The following CSMD3 variants were observed in gnomAD, a reference collection of about 807,000 sequenced individuals.
The protein encoded by CSMD3 is CUB and sushi domain-containing protein 3.
In CSMD3, 177 loss-of-function variants were observed where a neutral mutation model predicts 435.2. The ratio of observed to expected loss-of-function variants is 0.41; its 90% confidence interval spans 0.36 to 0.46. The LOEUF is 0.46. Ranked by LOEUF, CSMD3 falls within the 20% of genes least tolerant of loss-of-function variation. The pLI is 0.34. For missense variants in CSMD3, 4,265 were observed against 4,504.6 expected (o/e 0.95, Z 1.52); for synonymous variants, 1,656 against 1,520.5 (o/e 1.09, Z -2.07).
At chr8:112,578,291 A>C (rs1430593802) in intron 23 of CSMD3, among the ~76,000 whole-genome samples, 2 of 151,990 alleles carry the variant, frequency 1.3e-5, no homozygotes, top group East Asian at 3.9e-4. Flanking sequence ...GTGAAGGAGA[A>C]GGGGCACAAC....
chr8:112,759,544 T>G (rs2077784279), intron 13 of CSMD3, among the ~76,000 whole-genome samples: 1 of 152,112 alleles, frequency 6.6e-6, no homozygotes, highest in South Asian at 2.1e-4. Context: ...TATTTGGTTC[T>G]TACTACATGA....
At chr8:112,630,635 T>C (rs1317577467) in intron 22 of CSMD3, among the ~76,000 whole-genome samples, 1 of 152,088 alleles carries the variant, frequency 6.6e-6, no homozygotes, top group Non-Finnish European at 1.5e-5. Context: ...TTGAGCAATA[T>C]TTTTAGGTGG....
chr8:112,947,891 GA>G lies in CSMD3; in HGVS notation c.1421-15del. 3.0e-6 allele frequency: 3 copies of G among 1,000,282 alleles called. No individual in the cohort carries two copies. Among genetic ancestry groups the G allele is most frequent in the Non-Finnish European group, 3.2e-6 (2 of 628,160 alleles). 62.0% of individuals were successfully genotyped at this position (1,000,282 alleles called of 1,614,324 possible). ...CTCCCTCATTTACTGCAACAGCAGG[GA>G]AAAAAGAAAAAAGAAACAAAATATA... On this transcript the variant is annotated splice_polypyrimidine_tract_variant and intron_variant, in intron 8 of 70. Transcript: ENST00000297405.
intron 5 of CSMD3, among the ~76,000 whole-genome samples, chr8:113,048,344 C>G (rs555871706): frequency 8.5e-5 from 13 of 152,198 alleles, no homozygotes; most frequent in South Asian, 2.1e-4. Context: ...CCGCCCGCCT[C>G]GGCCTCCCAA....
At chr8:112,604,062 C>G (rs1197150820) in intron 22 of CSMD3, among the ~76,000 whole-genome samples, 1 of 151,984 alleles carries the variant, frequency 6.6e-6, no homozygotes, top group East Asian at 1.9e-4. Context: ...CCCACTTATG[C>G]TCTCCAAAAC....
At chr8:112,811,391 G>T (rs1004449990) in intron 12 of CSMD3, among the ~76,000 whole-genome samples, 1 of 139,918 alleles carries the variant, frequency 7.1e-6, no homozygotes, top group Non-Finnish European at 1.5e-5. Flanking sequence ...ATGTGTAAAT[G>T]TTTTAAAAGC....
chr8:113,160,002 G>A (rs546313548), intron 4 of CSMD3, among the ~76,000 whole-genome samples: 2 of 151,952 alleles, frequency 1.3e-5, no homozygotes, highest in South Asian at 4.1e-4. Flanking sequence ...TGGTGCTCAG[G>A]AAAAGTAACA....
chr8:113,222,194 T>C (rs978051144), intron 3 of CSMD3, among the ~76,000 whole-genome samples: 2 of 151,290 alleles, frequency 1.3e-5, no homozygotes, highest in Non-Finnish European at 3.0e-5. Context: ...TCTTATTTTC[T>C]ATAATGTTTT....
At chr8:112,959,233 G>T (rs1275255504) in intron 7 of CSMD3, among the ~76,000 whole-genome samples, 1 of 151,984 alleles carries the variant, frequency 6.6e-6, no homozygotes, top group Admixed American at 6.6e-5. Flanking sequence ...ATGTTTGCAT[G>T]GGGCTCTCTT....
intron 29 of CSMD3, among the ~76,000 whole-genome samples, chr8:112,504,261 T>G (rs759830369): frequency 6.6e-6 from 1 of 152,106 alleles, no homozygotes; most frequent in Non-Finnish European, 1.5e-5. Flanking sequence ...AAGAGTTTAG[T>G]TGATGAAAAG....
chr8:112,353,118 C>T (rs1048710527), intron 38 of CSMD3, among the ~76,000 whole-genome samples: 8 of 152,112 alleles, frequency 5.3e-5, no homozygotes, highest in South Asian at 2.1e-4. Context: ...AGGCCAAGTG[C>T]GGTGGTTCAT....
At chr8:112,988,080 C>T (rs1163025854) in intron 6 of CSMD3, among the ~76,000 whole-genome samples, 2 of 151,948 alleles carry the variant, frequency 1.3e-5, no homozygotes, top group African/African-American at 4.8e-5. Context: ...GGTCATCTGC[C>T]TTCATAGAAA....
At chr8:113,062,127 C>A (rs1263903760) in intron 5 of CSMD3, among the ~76,000 whole-genome samples, 1 of 151,784 alleles carries the variant, frequency 6.6e-6, no homozygotes, top group African/African-American at 2.4e-5. Flanking sequence ...ATCTTGTCCA[C>A]ACCTAATTCA....
chr8:112,271,508 G>C (rs1385694859), intron 59 of CSMD3, among the ~76,000 whole-genome samples: 1 of 152,002 alleles, frequency 6.6e-6, no homozygotes, highest in African/African-American at 2.4e-5. Flanking sequence ...AAACTAAATG[G>C]AGAAAAGTAC....
intron 4 of CSMD3, among the ~76,000 whole-genome samples, chr8:113,149,922 A>G (rs1042275173): frequency 5.9e-5 from 9 of 151,962 alleles, no homozygotes; most frequent in Admixed American, 2.6e-4. Context: ...TACTTTCCTA[A>G]CAAATAGGTC....
At chr8:112,500,529 G>C (rs1821833041) in intron 30 of CSMD3, among the ~76,000 whole-genome samples, 1 of 152,002 alleles carries the variant, frequency 6.6e-6, no homozygotes, top group Non-Finnish European at 1.5e-5. Flanking sequence ...GTGTAATCTT[G>C]ATATCAAAAC....
At chr8:112,452,107 G>C (rs1395436704) in intron 32 of CSMD3, among the ~76,000 whole-genome samples, 1 of 152,170 alleles carries the variant, frequency 6.6e-6, no homozygotes, top group Non-Finnish European at 1.5e-5. Flanking sequence ...TAGGAAGAAA[G>C]TGAGGTTTTA....
intron 5 of CSMD3, among the ~76,000 whole-genome samples, chr8:113,069,355 A>G (rs2089001297): frequency 6.6e-6 from 1 of 152,162 alleles, no homozygotes; most frequent in Non-Finnish European, 1.5e-5. Context: ...CTTCTCTTTC[A>G]GTGCCCACTA....
intron 3 of CSMD3, among the ~76,000 whole-genome samples, chr8:113,261,276 T>C (rs920026110): frequency 2.0e-5 from 3 of 152,176 alleles, no homozygotes; most frequent in African/African-American, 7.2e-5. Context: ...TCATCTCTTA[T>C]GGCCATAATG....
Sources: gnomAD v4.1 joint callset for allele counts (sites outside exome capture counted in the v4.1 genomes callset) on GRCh38, gnomAD v4.1.1 for gene constraint, MANE v1.5 for transcripts, NCBI Gene and HGNC (gene_info 2026-07-23, HGNC 2026-07-21) for gene names.